TAFA2: variants seen among roughly 807,000 people sequenced by gnomAD.
TAFA2 encodes the protein chemokine-like protein TAFA-2.
Under a neutral mutation model 18.8 loss-of-function variants are expected in TAFA2, and 7 were observed. The observed-to-expected ratio is 0.37, with a 90% CI of 0.21 to 0.70. TAFA2 has a LOEUF of 0.70. Ranked by LOEUF, TAFA2 falls within the 30% of genes least tolerant of loss-of-function variation. The pLI is 0.53. For missense variants in TAFA2, 122 were observed against 158.1 expected, an observed-to-expected ratio of 0.77 and a Z score of 1.23; for synonymous variants, 60 against 54.2, an observed-to-expected ratio of 1.11 and a Z score of -0.47.
chr12:62,121,600 C>T (rs1019511204), intron 1 of TAFA2, among the ~76,000 whole-genome samples: 1 of 152,208 alleles, frequency 6.6e-6, no homozygotes, highest in African/African-American at 2.4e-5. Context: ...AATTTGGCAT[C>T]TCTCAAGATA....
intron 2 of TAFA2, among the ~76,000 whole-genome samples, chr12:61,797,103 G>A (rs1329988152): frequency 6.6e-6 from 1 of 152,170 alleles, no homozygotes; most frequent in Non-Finnish European, 1.5e-5. Context: ...TGGAAGAGCT[G>A]ATTTCACTGA....
At chr12:62,009,751 A>C (rs1880668861) in intron 1 of TAFA2, among the ~76,000 whole-genome samples, 1 of 152,224 alleles carries the variant, frequency 6.6e-6, no homozygotes, top group South Asian at 2.1e-4. Context: ...ATATTCTGAA[A>C]ACTTGTGACA....
chr12:61,950,977 A>G (rs1322039096), intron 1 of TAFA2, among the ~76,000 whole-genome samples: 1 of 152,134 alleles, frequency 6.6e-6, no homozygotes. Flanking sequence ...ACTGGAGCCT[A>G]TTGACTTCTT....
intron 1 of TAFA2, among the ~76,000 whole-genome samples, chr12:62,039,215 T>C (rs544001132): frequency 6.6e-6 from 1 of 152,160 alleles, no homozygotes; most frequent in Non-Finnish European, 1.5e-5. Context: ...TCCATAAATA[T>C]AAAATTTGGT....
intron 2 of TAFA2, among the ~76,000 whole-genome samples, chr12:61,840,297 T>A (rs1046240950): frequency 6.6e-6 from 1 of 152,058 alleles, no homozygotes; most frequent in Non-Finnish European, 1.5e-5. Context: ...CAGTTCTGTA[T>A]TTCACTGTGC....
chr12:62,000,763 G>C (rs185309765), intron 1 of TAFA2, among the ~76,000 whole-genome samples: 1 of 152,296 alleles, frequency 6.6e-6, no homozygotes, highest in East Asian at 1.9e-4. Context: ...TGCAAATAAC[G>C]TATTGTCTTT....
At chr12:61,836,264 T>G (rs1172517743) in intron 2 of TAFA2, among the ~76,000 whole-genome samples, 1 of 151,904 alleles carries the variant, frequency 6.6e-6, no homozygotes, top group Non-Finnish European at 1.5e-5. Flanking sequence ...CAAAGACAAG[T>G]TACTAAAAAT....
upstream of TAFA2, chr12:62,259,454 C>G (rs1465143554): frequency 6.6e-6 from 1 of 152,140 alleles, no homozygotes; most frequent in Non-Finnish European, 1.5e-5. Flanking sequence ...AGCATGTGGG[C>G]TCTTGAACCA....
At chr12:61,899,864 G>T (rs2198790) in intron 1 of TAFA2, among the ~76,000 whole-genome samples, 82,883 of 152,082 alleles carry the variant, frequency 0.54, 23,919 homozygotes, top group African/African-American at 0.74. Flanking sequence ...TATTATAAGT[G>T]ATCTAGAGAT....
chr12:61,830,796 A>AGATTCATTC (rs1173027373), intron 2 of TAFA2, among the ~76,000 whole-genome samples: 1 of 152,104 alleles, frequency 6.6e-6, no homozygotes, highest in African/African-American at 2.4e-5. Context: ...ATCAAATTTT[A>AGATTCATTC]GATTCATTCC....
chr12:61,775,945 G>C (rs1447734688), intron 2 of TAFA2: 1 of 225,276 alleles, frequency 4.4e-6, no homozygotes, highest in Non-Finnish European at 9.2e-6. Flanking sequence ...AATGGAAAGA[G>C]GAGAGACACC....
chr12:61,909,839 C>T (rs7308330), intron 1 of TAFA2, among the ~76,000 whole-genome samples: 121,466 of 152,062 alleles, frequency 0.8, 49,137 homozygotes, highest in African/African-American at 0.91. Context: ...TTGGAATATT[C>T]CCTGAGAAGA....
chr12:62,188,790 T>A (rs1159773978), intron 1 of TAFA2, among the ~76,000 whole-genome samples: 1 of 152,202 alleles, frequency 6.6e-6, no homozygotes, highest in East Asian at 1.9e-4. Context: ...TTTATCATTT[T>A]ATAAATTTTT....
At chr12:62,083,634 T>C (rs888476144) in intron 1 of TAFA2, among the ~76,000 whole-genome samples, 2 of 152,200 alleles carry the variant, frequency 1.3e-5, no homozygotes, top group Non-Finnish European at 1.5e-5. Context: ...CATTTACAAA[T>C]AAAATTTTAT....
intron 1 of TAFA2, among the ~76,000 whole-genome samples, chr12:61,942,351 GA>G (rs1262703719): frequency 2.7e-5 from 4 of 150,150 alleles, no homozygotes; most frequent in Non-Finnish European, 3.0e-5. Flanking sequence ...CAAAGATGGG[GA>G]AAAAACAGAA....
intron 2 of TAFA2, among the ~76,000 whole-genome samples, chr12:61,858,052 C>A (rs2121183835): frequency 6.6e-6 from 1 of 152,280 alleles, no homozygotes; most frequent in East Asian, 1.9e-4. Context: ...GCTCTTGTAG[C>A]ATCATGAGAG....
intron 1 of TAFA2, among the ~76,000 whole-genome samples, chr12:62,173,259 GA>G (rs2062490965): frequency 1.3e-5 from 2 of 151,876 alleles, no homozygotes; most frequent in South Asian, 4.2e-4. Flanking sequence ...CTAAAAATAC[GA>G]AAAAAATTAG....
chr12:62,016,737 C>T (rs377003434), intron 1 of TAFA2, among the ~76,000 whole-genome samples: 6 of 152,130 alleles, frequency 3.9e-5, no homozygotes, highest in Non-Finnish European at 7.4e-5. Flanking sequence ...ATAGTGTCAC[C>T]GCCAAGCCAG....
intron 2 of TAFA2, among the ~76,000 whole-genome samples, chr12:61,755,470 GAGGACT>G (rs1869221901): frequency 6.6e-6 from 1 of 152,098 alleles, no homozygotes; most frequent in South Asian, 2.1e-4. Context: ...GGGAGAGTAA[GAGGACT>G]AGGCAGGAAG....
Sources: allele counts gnomAD v4.1 joint callset (sites outside exome capture counted in the v4.1 genomes callset), GRCh38; gene constraint gnomAD v4.1.1; transcripts MANE v1.5; gene names NCBI Gene and HGNC (gene_info 2026-07-23, HGNC 2026-07-21).